Variants in VRK1 observed in about 807,000 individuals in gnomAD.
VRK1 encodes the protein VRK serine/threonine kinase 1, also known as serine/threonine-protein kinase VRK1.
In VRK1, 33 loss-of-function variants were observed where a neutral mutation model predicts 57.1. The ratio of observed to expected loss-of-function variants is 0.58; its 90% CI spans 0.44 to 0.77. The LOEUF (loss-of-function observed/expected upper bound fraction) is 0.77. Ranked by LOEUF, VRK1 falls within the 30% of genes least tolerant of loss-of-function variation. The pLI is 0.00. For synonymous variants in VRK1, 137 were observed against 147.8 expected (o/e 0.93, Z 0.53); for missense variants, 413 against 477.3 (o/e 0.87, Z 1.25).
At chr14:96,855,558 C>A (rs562838109) in intron 8 of VRK1, among the ~76,000 whole-genome samples, 31 of 152,332 alleles carry the variant, frequency 2.0e-4, no homozygotes, top group Middle Eastern at 6.8e-3. Context: ...CTTTTCCTCG[C>A]AGCCTTCAAA....
Position 96,875,959 on chromosome 14 carries a change from A to G in VRK1, c.1069-71A>G. On this transcript the variant is annotated intron_variant, in intron 11 of 12. Transcript: ENST00000216639. ...ATACATTTATACACACACACAGACA[A>G]ATATGTGATGAGTTTGTAGTTTACT... The G allele has an allele frequency of 2.0e-6, 3 of 1,506,250 alleles. No homozygotes were observed. In the East Asian group the frequency reaches 6.9e-5, roughly 35 times the overall value. 93.3% of individuals were successfully genotyped at this position (1,506,250 alleles called of 1,614,324 possible).
intron 7 of VRK1, among the ~76,000 whole-genome samples, chr14:96,854,083 G>A (rs1160662934): frequency 1.3e-5 from 2 of 151,952 alleles, no homozygotes; most frequent in Non-Finnish European, 2.9e-5. Flanking sequence ...ATCTATATAA[G>A]TATAAAAGAA....
intron 10 of VRK1, among the ~76,000 whole-genome samples, chr14:96,858,146 T>C (rs1004616110): frequency 1.3e-5 from 2 of 152,144 alleles, no homozygotes; most frequent in Non-Finnish European, 2.9e-5. Flanking sequence ...CACAGCTCAC[T>C]GCAGCCTTGA....
intron 5 of VRK1, among the ~76,000 whole-genome samples, chr14:96,851,006 C>G (rs1018288269): frequency 4.6e-5 from 7 of 152,158 alleles, no homozygotes; most frequent in African/African-American, 1.7e-4. Flanking sequence ...TATATGTGCC[C>G]TGGTCTCATC....
At chr14:96,819,733 C>T (rs1384934445) in intron 1 of VRK1, among the ~76,000 whole-genome samples, 2 of 152,140 alleles carry the variant, frequency 1.3e-5, no homozygotes, top group Non-Finnish European at 2.9e-5. Flanking sequence ...GTTGTGCAAG[C>T]GTTTTCCCTG....
At chr14:96,818,878 T>A (rs1886490364) in intron 1 of VRK1, among the ~76,000 whole-genome samples, 2 of 152,204 alleles carry the variant, frequency 1.3e-5, no homozygotes. Flanking sequence ...AGAAAATATA[T>A]GAGGACCCTC....
At chr14:96,871,830 T>A (rs1348411491) in intron 11 of VRK1, among the ~76,000 whole-genome samples, 1 of 151,440 alleles carries the variant, frequency 6.6e-6, no homozygotes, top group African/African-American at 2.4e-5. Context: ...TTTATTTTTA[T>A]TTTTTTTTGA....
chr14:96,838,709 A>T (rs759185759), intron 3 of VRK1, among the ~76,000 whole-genome samples: 7 of 152,292 alleles, frequency 4.6e-5, no homozygotes, highest in Admixed American at 2.6e-4. Context: ...GGGAGCTACT[A>T]TCCAAGATGA....
chr14:96,824,688 C>G (rs935463549), intron 1 of VRK1, among the ~76,000 whole-genome samples: 9 of 144,014 alleles, frequency 6.2e-5, no homozygotes, highest in Non-Finnish European at 6.0e-5. Context: ...TTTTTTCCCT[C>G]TGTCGCCCAG....
chr14:96,852,778 G>A (rs1888000692), intron 5 of VRK1, 53 bp from the exon 6 acceptor site: 6 of 1,374,286 alleles, frequency 4.4e-6, no homozygotes, highest in Non-Finnish European at 5.2e-6. Flanking sequence ...TCATTACAAA[G>A]TTGGTTTTCT....
At chr14:96,847,099 T>A (rs1248136981) in intron 4 of VRK1, among the ~76,000 whole-genome samples, 158 bp from the exon 5 acceptor site, 1 of 152,220 alleles carries the variant, frequency 6.6e-6, no homozygotes, top group Non-Finnish European at 1.5e-5. Context: ...CGTAAAATGC[T>A]TTTCGTTATT....
At chr14:96,839,980 A>T (rs906692649) in intron 3 of VRK1, among the ~76,000 whole-genome samples, 1 of 152,232 alleles carries the variant, frequency 6.6e-6, no homozygotes, top group African/African-American at 2.4e-5. Flanking sequence ...TAGTTTTTAC[A>T]TAATGCTAGA....
chr14:96,835,147 G>A (rs17094511), intron 2 of VRK1, among the ~76,000 whole-genome samples: 2,285 of 152,212 alleles, frequency 0.015, 64 homozygotes, highest in African/African-American at 0.052. Context: ...TGTAAAAGGA[G>A]GGACTTGCTT....
At chr14:96,801,923 A>G (rs59691898) in intron 1 of VRK1, among the ~76,000 whole-genome samples, 4,281 of 152,158 alleles carry the variant, frequency 0.028, 200 homozygotes, top group African/African-American at 0.098. Context: ...GGCAGAAGAA[A>G]ATCTGTGTAT....
At chr14:96,834,350 A>G (rs1887132593) in intron 2 of VRK1, among the ~76,000 whole-genome samples, 1 of 152,152 alleles carries the variant, frequency 6.6e-6, no homozygotes, top group African/African-American at 2.4e-5. Flanking sequence ...ATAAAATTTT[A>G]TTTTTAGCAA....
intron 1 of VRK1, 79 bp from the exon 2 acceptor site, chr14:96,833,388 C>T (rs1055180380): frequency 1.9e-5 from 30 of 1,553,982 alleles, no homozygotes; most frequent in African/African-American, 4.1e-5. Flanking sequence ...CATCTCCGTA[C>T]GGAAGTTTTC....
At chr14:96,861,694 A>C (rs974952366) in intron 11 of VRK1, among the ~76,000 whole-genome samples, 2 of 152,238 alleles carry the variant, frequency 1.3e-5, no homozygotes, top group African/African-American at 4.8e-5. Context: ...TAACTTTGCC[A>C]AATAGCAGGT....
intron 1 of VRK1, among the ~76,000 whole-genome samples, chr14:96,806,766 G>A (rs773453787): frequency 4.6e-5 from 7 of 152,062 alleles, no homozygotes; most frequent in Non-Finnish European, 1.0e-4. Flanking sequence ...CTCTGGAGAG[G>A]TATCTGAAAC....
intron 3 of VRK1, among the ~76,000 whole-genome samples, chr14:96,845,562 G>T (rs1323836722): frequency 6.6e-6 from 1 of 152,178 alleles, no homozygotes; most frequent in Non-Finnish European, 1.5e-5. Context: ...ATGCAGGTTA[G>T]TGGACAGTGC....
Sources: allele counts gnomAD v4.1 joint callset (sites outside exome capture counted in the v4.1 genomes callset), GRCh38; gene constraint gnomAD v4.1.1; transcripts MANE v1.5; gene names NCBI Gene and HGNC (gene_info 2026-07-23, HGNC 2026-07-21).